The following SKIC8 variants were observed in gnomAD, a reference collection of about 807,000 sequenced individuals.
The protein encoded by SKIC8 is SKI8 subunit of superkiller complex.
At chr15:78,293,336 T>G in the SKIC8 span, 2 of 1,403,946 alleles carry the variant, frequency 1.4e-6, no homozygotes, top group Non-Finnish European at 2.0e-6. Context: ...GCCGAGATAC[T>G]GTTCAACAAT....
the SKIC8 span, among the ~76,000 whole-genome samples, chr15:78,299,170 C>G: frequency 6.6e-6 from 1 of 152,202 alleles, no homozygotes; most frequent in Non-Finnish European, 1.5e-5. Flanking sequence ...TGTCTGTACC[C>G]GTCCAGTGAT....
the SKIC8 span, among the ~76,000 whole-genome samples, chr15:78,297,119 C>G: frequency 6.6e-6 from 1 of 152,194 alleles, no homozygotes; most frequent in South Asian, 2.1e-4. Flanking sequence ...AGACAAATCA[C>G]AATCTTCTTG....
the SKIC8 span, chr15:78,288,778 A>T: frequency 8.7e-6 from 3 of 344,904 alleles, no homozygotes; most frequent in Non-Finnish European, 1.7e-5. Flanking sequence ...GGACGTAATA[A>T]ATTCACTTGA....
the SKIC8 span, chr15:78,292,882 T>C: frequency 1.4e-6 from 2 of 1,390,588 alleles, no homozygotes; most frequent in South Asian, 1.3e-5. Flanking sequence ...GCAATACCAA[T>C]GGTCTATGAA....
At chr15:78,293,267 C>T in the SKIC8 span, 2 of 1,614,100 alleles carry the variant, frequency 1.2e-6, no homozygotes, top group Admixed American at 3.3e-5. Context: ...ATGGCATCAT[C>T]ATGGGCTAGA....
chr15:78,295,500 G>T, the SKIC8 span: 4 of 670,728 alleles, frequency 6.0e-6, no homozygotes, highest in Non-Finnish European at 7.9e-6. Context: ...CTCAGTATTT[G>T]CATTTCACTA....
the SKIC8 span, chr15:78,286,121 A>G: frequency 1.2e-6 from 2 of 1,612,278 alleles, no homozygotes; most frequent in Non-Finnish European, 1.7e-6. Flanking sequence ...TGCCAGCCAA[A>G]TTGGCATGTT....
At chr15:78,285,229 G>A in the SKIC8 span, 334 of 1,605,048 alleles carry the variant, frequency 2.1e-4, 3 homozygotes, top group East Asian at 6.7e-3. Flanking sequence ...AAACAACCCC[G>A]ACTATCTAAA....
chr15:78,286,149 T>G, the SKIC8 span: 3 of 1,609,258 alleles, frequency 1.9e-6, no homozygotes, highest in Non-Finnish European at 2.5e-6. Flanking sequence ...ATGGGAAAGT[T>G]TCAAACAAAA....
chr15:78,288,246 G>A, the SKIC8 span: 8 of 1,585,768 alleles, frequency 5.0e-6, no homozygotes, highest in Non-Finnish European at 6.9e-6. Context: ...AAAGGGACAA[G>A]ATGGGCATCA....
At chr15:78,283,683 C>T in the SKIC8 span, 3 of 498,892 alleles carry the variant, frequency 6.0e-6, no homozygotes, top group East Asian at 9.3e-5. Context: ...AACCGAGCAC[C>T]TTCCATTATT....
At chr15:78,284,401 C>CT in the SKIC8 span, 1 of 152,138 alleles carries the variant, frequency 6.6e-6, no homozygotes. Context: ...TGTTAGTTAA[C>CT]TTTAAGTTCC....
the SKIC8 span, among the ~76,000 whole-genome samples, chr15:78,296,469 C>A: frequency 2.6e-5 from 4 of 151,130 alleles, no homozygotes; most frequent in Non-Finnish European, 5.9e-5. Flanking sequence ...ACATTAAGGG[C>A]TAATGGTTCT....
chr15:78,294,697 A>G, the SKIC8 span: 1 of 429,572 alleles, frequency 2.3e-6, no homozygotes, highest in South Asian at 4.0e-5. Context: ...CAGGTGGAAA[A>G]ATTTTCCTCA....
At chr15:78,297,850 T>G in the SKIC8 span, among the ~76,000 whole-genome samples, 4 of 152,320 alleles carry the variant, frequency 2.6e-5, no homozygotes, top group South Asian at 8.3e-4. Context: ...GGTTTTCCAA[T>G]AACAGGAAAT....
chr15:78,292,643 G>C, the SKIC8 span: 1 of 1,614,184 alleles, frequency 6.2e-7, no homozygotes, highest in Non-Finnish European at 8.5e-7. Context: ...GACTTTATCT[G>C]TTTGCCATTT....
the SKIC8 span, chr15:78,283,653 T>A: frequency 3.0e-6 from 2 of 663,890 alleles, no homozygotes; most frequent in Admixed American, 6.1e-5. Flanking sequence ...ACTTTCTAAA[T>A]CAGTGAGAAT....
At chr15:78,284,714 G>A in the SKIC8 span, 3 of 152,360 alleles carry the variant, frequency 2.0e-5, no homozygotes, top group African/African-American at 7.3e-5. Flanking sequence ...TATTCACCTT[G>A]GCAAAGATAA....
At chr15:78,285,561 G>A in the SKIC8 span, 11 of 575,638 alleles carry the variant, frequency 1.9e-5, no homozygotes, top group African/African-American at 1.7e-4. Context: ...TGTTCTCCAG[G>A]AGTCTCAGAC....
Sources: allele counts gnomAD v4.1 joint callset (sites outside exome capture counted in the v4.1 genomes callset), GRCh38; gene constraint gnomAD v4.1.1; transcripts MANE v1.5; gene names NCBI Gene and HGNC (gene_info 2026-07-23, HGNC 2026-07-21).